Variants in SPOCK1 observed in about 807,000 individuals in gnomAD.
The protein encoded by SPOCK1 is SPARC (osteonectin), cwcv and kazal like domains proteoglycan 1, also known as testican-1.
A neutral mutation model predicts 55.3 loss-of-function variants in SPOCK1; 23 were observed. The observed-to-expected ratio is 0.42, with a 90% CI of 0.30 to 0.59. SPOCK1 has a LOEUF of 0.59. SPOCK1 is among the 20% of genes least tolerant of loss of function. The probability of loss-of-function intolerance (pLI) is 0.22; values close to 1 mark genes in which losing one functional copy is unlikely to be tolerated. For synonymous variants in SPOCK1, 226 were observed against 221.0 expected, an observed-to-expected ratio of 1.02 and a Z score of -0.20; for missense variants, 499 against 552.5, an observed-to-expected ratio of 0.90 and a Z score of 0.97.
chr5:137,151,023 T>C (rs1203574817), intron 3 of SPOCK1, among the ~76,000 whole-genome samples: 2 of 152,220 alleles, frequency 1.3e-5, no homozygotes, highest in Non-Finnish European at 2.9e-5. Context: ...TGTGTTCCCA[T>C]AATCCAATCT....
At chr5:137,380,980 A>C (rs1751451888) in intron 2 of SPOCK1, among the ~76,000 whole-genome samples, 1 of 152,142 alleles carries the variant, frequency 6.6e-6, no homozygotes. Flanking sequence ...TCTCCCACTA[A>C]GAGCCTGTAA....
intron 3 of SPOCK1, among the ~76,000 whole-genome samples, chr5:137,183,477 C>T (rs1755007617): frequency 6.6e-6 from 1 of 152,184 alleles, no homozygotes; most frequent in South Asian, 2.1e-4. Context: ...GTGTCTGGGT[C>T]AGTGGTTCTC....
intron 3 of SPOCK1, among the ~76,000 whole-genome samples, chr5:137,234,406 T>A (rs916933298): frequency 6.6e-6 from 1 of 152,188 alleles, no homozygotes; most frequent in Non-Finnish European, 1.5e-5. Flanking sequence ...TGCTGCTGCA[T>A]CGCCTTTCCA....
At chr5:137,255,325 T>C (rs933322776) in intron 3 of SPOCK1, among the ~76,000 whole-genome samples, 1 of 152,230 alleles carries the variant, frequency 6.6e-6, no homozygotes, top group African/African-American at 2.4e-5. Flanking sequence ...CATAGTGCTC[T>C]GTGTGTCCTT....
At chr5:137,082,886 C>G (rs111749813) in intron 5 of SPOCK1, among the ~76,000 whole-genome samples, 1,577 of 152,300 alleles carry the variant, frequency 0.01, 34 homozygotes, top group African/African-American at 0.037. Flanking sequence ...TACTAAGTTT[C>G]CACTTGCATA....
At chr5:137,356,838 T>TATAGAG (rs1554077335) in intron 2 of SPOCK1, among the ~76,000 whole-genome samples, 7 of 5,458 alleles carry the variant, frequency 1.3e-3, no homozygotes, top group African/African-American at 1.7e-3. Context: ...TATATATATA[T>TATAGAG]AGAGAGAGAG....
chr5:137,174,544 A>G (rs918374756), intron 3 of SPOCK1, among the ~76,000 whole-genome samples: 11 of 152,218 alleles, frequency 7.2e-5, no homozygotes, highest in Admixed American at 7.2e-4. Context: ...GTCCTGACAC[A>G]TGAGCAGTGC....
chr5:137,070,361 A>G (rs1299754501), intron 5 of SPOCK1, among the ~76,000 whole-genome samples: 2 of 152,262 alleles, frequency 1.3e-5, no homozygotes, highest in Admixed American at 6.5e-5. Context: ...GCTGACCAAC[A>G]GAATGACTTC....
intron 3 of SPOCK1, among the ~76,000 whole-genome samples, chr5:137,151,939 A>G (rs545434491): frequency 1.3e-5 from 2 of 152,326 alleles, no homozygotes; most frequent in South Asian, 2.1e-4. Flanking sequence ...ATATTTGAAG[A>G]CTATTCATTT....
intron 3 of SPOCK1, among the ~76,000 whole-genome samples, chr5:137,172,855 T>G (rs1053999487): frequency 1.6e-4 from 25 of 152,082 alleles, no homozygotes; most frequent in Non-Finnish European, 7.4e-5. Context: ...GGTCCCTGCC[T>G]CCTGGAACCT....
At chr5:137,229,816 A>G (rs1169174103) in intron 3 of SPOCK1, among the ~76,000 whole-genome samples, 2 of 152,100 alleles carry the variant, frequency 1.3e-5, no homozygotes, top group Non-Finnish European at 2.9e-5. Flanking sequence ...GGAGTGCACA[A>G]CCTAGGTCCC....
chr5:136,993,156 C>CAGAT (rs1382913077), intron 6 of SPOCK1: 2 of 152,280 alleles, frequency 1.3e-5, no homozygotes, highest in Non-Finnish European at 2.9e-5. Context: ...CCACTGTAAA[C>CAGAT]AGATGGATGC....
chr5:137,198,398 C>A (rs1365695000), intron 3 of SPOCK1, among the ~76,000 whole-genome samples: 1 of 152,198 alleles, frequency 6.6e-6, no homozygotes, highest in African/African-American at 2.4e-5. Flanking sequence ...GAATTTATAC[C>A]TCCATGCTTT....
intron 2 of SPOCK1, among the ~76,000 whole-genome samples, chr5:137,277,693 C>T (rs1393125257): frequency 6.6e-6 from 1 of 152,210 alleles, no homozygotes; most frequent in African/African-American, 2.4e-5. Context: ...AAAACACCTG[C>T]TTCACAAGGT....
At chr5:137,138,752 G>A (rs1196321958) in intron 4 of SPOCK1, among the ~76,000 whole-genome samples, 1 of 147,818 alleles carries the variant, frequency 6.8e-6, no homozygotes, top group African/African-American at 2.5e-5. Context: ...ACTCCCCAAT[G>A]AACTTGACTT....
At chr5:137,136,514 G>C (rs921996244) in intron 4 of SPOCK1, among the ~76,000 whole-genome samples, 1 of 151,934 alleles carries the variant, frequency 6.6e-6, no homozygotes, top group African/African-American at 2.4e-5. Context: ...GATCAGTTTT[G>C]ACAAAAACAC....
At chr5:137,227,369 G>T (rs1159718610) in intron 3 of SPOCK1, among the ~76,000 whole-genome samples, 1 of 152,190 alleles carries the variant, frequency 6.6e-6, no homozygotes, top group Non-Finnish European at 1.5e-5. Context: ...GAGTTCATTT[G>T]CAAGAAAAGT....
At chr5:137,170,860 G>T (rs1754742447) in intron 3 of SPOCK1, among the ~76,000 whole-genome samples, 1 of 152,122 alleles carries the variant, frequency 6.6e-6, no homozygotes, top group Non-Finnish European at 1.5e-5. Flanking sequence ...TAAAGATAAG[G>T]AAACTAAAGC....
intron 3 of SPOCK1, among the ~76,000 whole-genome samples, chr5:137,256,328 T>C (rs1756631062): frequency 6.6e-6 from 1 of 152,206 alleles, no homozygotes; most frequent in African/African-American, 2.4e-5. Context: ...GTCCACTGTG[T>C]GCTGCTGTAA....
Sources: gnomAD v4.1 joint callset for allele counts (sites outside exome capture counted in the v4.1 genomes callset) on GRCh38, gnomAD v4.1.1 for gene constraint, MANE v1.5 for transcripts, NCBI Gene and HGNC (gene_info 2026-07-23, HGNC 2026-07-21) for gene names.